SNAPIN: variants seen among roughly 807,000 people sequenced by gnomAD.
The protein encoded by SNAPIN is SNARE-associated protein Snapin.
In SNAPIN, 16 loss-of-function variants were observed where a neutral mutation model predicts 15.9. The ratio of observed to expected loss-of-function variants is 1.01; its 90% CI spans 0.68 to 1.53. The LOEUF is 1.53. Ranked by LOEUF, SNAPIN falls within the 40% of genes most tolerant of loss-of-function variation. The pLI, the probability that SNAPIN is intolerant of heterozygous loss-of-function variation, is 0.00. For missense variants in SNAPIN, 186 were observed against 180.1 expected (o/e 1.03, Z -0.19); for synonymous variants, 83 against 76.2 (o/e 1.09, Z -0.46).
At chr1:153,659,990 C>T (rs1462520215) in intron 3 of SNAPIN, among the ~76,000 whole-genome samples, 1 of 152,160 alleles carries the variant, frequency 6.6e-6, no homozygotes, top group Non-Finnish European at 1.5e-5. Context: ...CCACCTTGGC[C>T]ACCCGAAGTG....
In SNAPIN at chr1:153,658,751, G is replaced by T. The variant is rs777507202; in HGVS notation, c.8G>T (p.Gly3Val). 1.9e-6 allele frequency: 3 copies of T among 1,562,466 alleles called. No individual in the cohort carries two copies. Among genetic ancestry groups the T allele is most frequent in the Non-Finnish European group, 2.6e-6 (3 of 1,162,238 alleles). The part of the protein sequence containing the change: MA[G>V]AGSAAVSGAG... The stretch of plus-strand genomic sequence containing the variant: ...GCTTCAGGACAATTCGTGATGGCGG[G>T]GGCTGGTTCCGCCGCTGTATCGGGG... The change falls in exon 1 of 4, where the codon GGG (glycine) becomes GTG (valine). Residue 3 changes from glycine (G) to valine (V), a missense_variant. Gly to Val is a moderately radical substitution (Grantham distance 109). Coordinates refer to ENST00000368685, the MANE Select transcript of SNAPIN (RefSeq NM_012437.6).
At position 153,661,524 on chromosome 1, in the gene SNAPIN, C is replaced by A; in HGVS notation, c.*223C>A. 2.8e-6 allele frequency: 1 copy of A among 363,514 alleles called. No individual in the cohort carries two copies. The highest frequency in any genetic ancestry group is 5.2e-6 in the Non-Finnish European group (1 of 192,482). 22.5% of individuals were successfully genotyped at this position (363,514 alleles called of 1,614,324 possible). Reference sequence around the variant, plus strand: ...CCCAAAGGACTTACATTAATTATGGCTCTTGCTTCCTTTCACAAATGAGCT... The same window carrying A: ...CCCAAAGGACTTACATTAATTATGGATCTTGCTTCCTTTCACAAATGAGCT... On this transcript the variant is annotated 3_prime_UTR_variant, in exon 4 of 4. Transcript: ENST00000368685.
At chr1:153,658,925 T>G in intron 1 of SNAPIN, 39 bp downstream of exon 1, 1 of 1,605,450 alleles carries the variant, frequency 6.2e-7, no homozygotes, top group Non-Finnish European at 8.5e-7. Flanking sequence ...CCTGTCTCTC[T>G]GGCTTTGTAG....
At chr1:153,659,014 G>C in intron 1 of SNAPIN, 124 bp from the exon 2 acceptor site, 1 of 1,555,426 alleles carries the variant, frequency 6.4e-7, no homozygotes, top group Non-Finnish European at 8.8e-7. Context: ...GGACAGGCGG[G>C]AAGGCCGCAG....
chr1:153,660,377 G>A (rs1007794626), intron 3 of SNAPIN, among the ~76,000 whole-genome samples: 3 of 150,398 alleles, frequency 2.0e-5, no homozygotes, highest in East Asian at 2.0e-4. Context: ...GGCTGGGCGC[G>A]GTGGCTCTTG....
At chr1:153,660,406 TG>T in intron 3 of SNAPIN, among the ~76,000 whole-genome samples, 1 of 151,078 alleles carries the variant, frequency 6.6e-6, no homozygotes, top group Non-Finnish European at 1.5e-5. Flanking sequence ...CCCAGCAGTT[TG>T]GGAGGCCGAG....
rs751313803 is a variant in SNAPIN at position 153,659,182 on chromosome 1, C to T, written c.188C>T (p.Thr63Ile). ...CGGGAACAAATTGACAACCTAGCCA[C>T]AGGTGAGTGAGCATCCCTGTGTACC... ...ELREQIDNLA[T>I]ELCRINEDQK... The change falls in exon 2 of 4, where the codon ACA becomes ATA. Residue 63 changes from threonine to isoleucine, a missense_variant and splice_region_variant. Transcript: ENST00000368685. 1 of 1,614,144 alleles carries T rather than the reference C, an allele frequency of 6.2e-7. No individual in the cohort carries two copies. Among genetic ancestry groups the T allele is most frequent in the Admixed American group, 1.7e-5 (1 of 60,016 alleles).
intron 1 of SNAPIN, 25 bp downstream of exon 1, chr1:153,658,911 G>A: frequency 1.2e-6 from 2 of 1,608,558 alleles, no homozygotes; most frequent in Non-Finnish European, 1.7e-6. Flanking sequence ...AGTTGGGGGC[G>A]GGGCCTGTCT....
chr1:153,659,050 T>C (rs953041919), intron 1 of SNAPIN, 88 bp from the exon 2 acceptor site: 2 of 1,561,216 alleles, frequency 1.3e-6, no homozygotes, highest in Non-Finnish European at 1.8e-6. Flanking sequence ...GAGGCCGGCT[T>C]CTCTCAGTAC....
Position 153,661,364 on chromosome 1 carries a change from A to G in SNAPIN, c.*63A>G. The G allele has an allele frequency of 2.4e-6, 3 of 1,263,924 alleles. No homozygotes were observed. Among genetic ancestry groups the G allele is most frequent in the Non-Finnish European group, 2.3e-6 (2 of 870,900 alleles). The allele number at this position is 1,263,924 out of a possible 1,614,324, so 78.3% of individuals were successfully genotyped here. A position where few individuals can be genotyped will look rare whatever the true frequency, so the allele number is the denominator to read the frequency against. Reference sequence around the variant, plus strand: ...CCCCAGCTGCCTTGTTTCAACAGACATGCAAAGATCCTAGGAGACAGTCCC... The same window carrying G: ...CCCCAGCTGCCTTGTTTCAACAGACGTGCAAAGATCCTAGGAGACAGTCCC... On this transcript the variant is annotated 3_prime_UTR_variant, in exon 4 of 4. Transcript: ENST00000368685.
intron 3 of SNAPIN, among the ~76,000 whole-genome samples, chr1:153,660,339 T>C (rs1183410106): frequency 6.6e-6 from 1 of 151,404 alleles, no homozygotes; most frequent in Non-Finnish European, 1.5e-5. Context: ...GCCTTTTTTT[T>C]TTTTTTTTTA....
chr1:153,659,754 G>T (rs756993013), intron 3 of SNAPIN, among the ~76,000 whole-genome samples, 188 bp downstream of exon 3: 4 of 152,128 alleles, frequency 2.6e-5, no homozygotes, highest in African/African-American at 4.8e-5. Flanking sequence ...TCTTGTGTGT[G>T]TGTGTGTGAC....
At chr1:153,660,033 CTATTTA>C (rs1557949041) in intron 3 of SNAPIN, among the ~76,000 whole-genome samples, 1 of 151,920 alleles carries the variant, frequency 6.6e-6, no homozygotes, top group African/African-American at 2.4e-5. Flanking sequence ...CCACACCTGG[CTATTTA>C]TTTTTATGAT....
In SNAPIN at chr1:153,659,497, C is replaced by G. The variant is rs766255542; in HGVS notation, c.240C>G (p.Pro80=). The G allele has an allele frequency of 6.2e-7, 1 of 1,614,102 alleles. No homozygotes were observed. The highest frequency in any genetic ancestry group is 1.7e-5 in the Admixed American group (1 of 60,016). The stretch of plus-strand genomic sequence containing the variant: ...AGAAGGTGGCCCTGGATCTTGACCC[C>G]TATGTTAAGAAGCTACTTAATGCCC... ...EDQKVALDLD[P]YVKKLLNARR... The change falls in exon 3 of 4, where the codon CCC becomes CCG. Residue 80 remains proline, a synonymous_variant. Transcript: ENST00000368685.
chr1:153,661,304 G>C lies in SNAPIN; in HGVS notation c.*3G>C. 3 of 1,609,324 alleles carry C rather than the reference G, an allele frequency of 1.9e-6. No homozygotes were observed. The highest frequency in any genetic ancestry group is 2.6e-6 in the Non-Finnish European group (3 of 1,175,962). On this transcript the variant is annotated 3_prime_UTR_variant, in exon 4 of 4. Coordinates refer to ENST00000368685, the MANE Select transcript of SNAPIN (RefSeq NM_012437.6). ...CCCCTGGCTCCCCAGGCAAATAACAGATGAGCCTATGGACTCAGTAGCACA... is the reference window on the plus strand; with the variant it reads ...CCCCTGGCTCCCCAGGCAAATAACACATGAGCCTATGGACTCAGTAGCACA...
intron 3 of SNAPIN, among the ~76,000 whole-genome samples, chr1:153,660,319 G>A (rs1336779835): frequency 2.0e-5 from 3 of 147,016 alleles, no homozygotes; most frequent in South Asian, 2.2e-4. Flanking sequence ...CACTGCACCC[G>A]GCCTGCCTGG....
chr1:153,659,430 C>T lies in SNAPIN; in HGVS notation c.191-18C>T. ...GATAAGCCGTTAGATCTTAGCTGCA[C>T]CTTACTTCCATCCCCAGAACTGTGC... On this transcript the variant is annotated intron_variant, in intron 2 of 3. Transcript: ENST00000368685. The T allele has an allele frequency of 4.4e-6, 7 of 1,589,808 alleles. No individual in the cohort carries two copies. The highest frequency in any genetic ancestry group is 6.0e-6 in the Non-Finnish European group (7 of 1,157,906).
chr1:153,661,396 C>G lies in SNAPIN; in HGVS notation c.*95C>G. 2 of 925,142 alleles carry G rather than the reference C, an allele frequency of 2.2e-6. No individual in the cohort carries two copies. Among genetic ancestry groups the G allele is most frequent in the East Asian group, 5.4e-5 (2 of 37,036 alleles). The allele number at this position is 925,142 out of a possible 1,614,324, so 57.3% of individuals were successfully genotyped here. A position where few individuals can be genotyped will look rare whatever the true frequency, so the allele number is the denominator to read the frequency against. On this transcript the variant is annotated 3_prime_UTR_variant, in exon 4 of 4. Transcript: ENST00000368685. ...GATCCTAGGAGACAGTCCCCATAGA[C>G]CTTCAGACATTAAAAAGGGAGCCGT...
In SNAPIN at chr1:153,661,395, A is replaced by G; in HGVS notation, c.*94A>G. The G allele has an allele frequency of 1.1e-6, 1 of 922,486 alleles. No homozygotes were observed. Among genetic ancestry groups the G allele is most frequent in the Non-Finnish European group, 1.7e-6 (1 of 589,600 alleles). The allele number at this position is 922,486 out of a possible 1,614,324, so 57.1% of individuals were successfully genotyped here. A position where few individuals can be genotyped will look rare whatever the true frequency, so the allele number is the denominator to read the frequency against. On this transcript the variant is annotated 3_prime_UTR_variant, in exon 4 of 4. Transcript: ENST00000368685. ...AGATCCTAGGAGACAGTCCCCATAGACCTTCAGACATTAAAAAGGGAGCCG... is the reference window on the plus strand; with the variant it reads ...AGATCCTAGGAGACAGTCCCCATAGGCCTTCAGACATTAAAAAGGGAGCCG...
Sources: allele counts gnomAD v4.1 joint callset (sites outside exome capture counted in the v4.1 genomes callset), GRCh38; gene constraint gnomAD v4.1.1; transcripts MANE v1.5; gene names NCBI Gene and HGNC (gene_info 2026-07-23, HGNC 2026-07-21).